The following DNMT1 variants were observed in gnomAD, a reference collection of about 807,000 sequenced individuals.
The protein encoded by DNMT1 is DNA (cytosine-5)-methyltransferase 1.
In DNMT1, 24 loss-of-function variants were observed where a neutral mutation model predicts 205.3. The observed-to-expected ratio is 0.12, with a 90% CI of 0.08 to 0.16. The LOEUF (loss-of-function observed/expected upper bound fraction) is 0.16, where lower values mean the gene tolerates loss of function less well. Ranked by LOEUF, DNMT1 falls within the 10% of genes least tolerant of loss-of-function variation. DNMT1 has a pLI of 1.00. For missense variants in DNMT1, 1,293 were observed against 2,177.7 expected (o/e 0.59, Z 8.09); for synonymous variants, 817 against 839.8 (o/e 0.97, Z 0.47).
chr19:10,179,798 T>A (rs1244101366), intron 5 of DNMT1: 1 of 157,784 alleles, frequency 6.3e-6, no homozygotes, highest in East Asian at 1.9e-4. Flanking sequence ...CAGACCAGTC[T>A]GGCCAACATG....
Position 10,155,014 on chromosome 19 carries a change from G to T in DNMT1, c.1535C>A (p.Ala512Glu), listed in dbSNP as rs1064796687. The T allele has an allele frequency of 3.7e-6, 6 of 1,613,984 alleles. No individual in the cohort carries two copies. The highest frequency in any genetic ancestry group is 5.1e-6 in the Non-Finnish European group (6 of 1,180,034). The change falls in exon 20 of 41, where the codon GCG (alanine) becomes GAG (glutamate). Residue 512 changes from alanine (A) to glutamate (E), a missense_variant. By Grantham distance (107) the Ala-to-Glu change is moderately radical. Transcript: ENST00000359526. ...CTCCTGCATCAGCCCAAATATGGGC[G>T]CATACTCGGGACTGGGATCCATCAG... Reference protein sequence around the residue: ...YILMDPSPEYAPIFGLMQEKI... With the variant: ...YILMDPSPEYEPIFGLMQEKI...
chr19:10,181,304 G>A (rs2039041019), intron 2 of DNMT1, among the ~76,000 whole-genome samples: 2 of 151,962 alleles, frequency 1.3e-5, no homozygotes, highest in African/African-American at 4.8e-5. Context: ...TTAAAAATTA[G>A]CTGGGCATGG....
chr19:10,139,864 G>A, intron 33 of DNMT1, 47 bp from the exon 34 acceptor site: 1 of 1,559,228 alleles, frequency 6.4e-7, no homozygotes, highest in Non-Finnish European at 8.7e-7. Flanking sequence ...ACAGACAGAG[G>A]GAAGAAACGA....
At chr19:10,170,746 G>T (rs767847433) in intron 9 of DNMT1, among the ~76,000 whole-genome samples, 7 of 152,104 alleles carry the variant, frequency 4.6e-5, no homozygotes, top group Non-Finnish European at 8.8e-5. Flanking sequence ...ACCTAAGTTG[G>T]TAAGAAACTT....
chr19:10,194,657 G>C (rs2039369506), intron 1 of DNMT1, 163 bp downstream of exon 1: 6 of 969,888 alleles, frequency 6.2e-6, no homozygotes, highest in Admixed American at 3.9e-5. Flanking sequence ...CGCGCGACCG[G>C]AAGTGCCACC....
chr19:10,168,144 A>T (rs576282510), intron 10 of DNMT1, among the ~76,000 whole-genome samples, 186 bp downstream of exon 10: 1 of 152,114 alleles, frequency 6.6e-6, no homozygotes, highest in Non-Finnish European at 1.5e-5. Flanking sequence ...AAATTAAATT[A>T]AAGTTAAAAA....
At chr19:10,148,662 G>C (rs1488931591) in intron 27 of DNMT1, among the ~76,000 whole-genome samples, 2 of 152,138 alleles carry the variant, frequency 1.3e-5, no homozygotes, top group African/African-American at 4.8e-5. Flanking sequence ...TCCTGGGTAG[G>C]GAACCCTCTT....
chr19:10,194,097 C>G (rs920587241), intron 1 of DNMT1, among the ~76,000 whole-genome samples: 1 of 152,230 alleles, frequency 6.6e-6, no homozygotes, highest in Non-Finnish European at 1.5e-5. Flanking sequence ...CCACGGCTCA[C>G]AGGCACAGAT....
chr19:10,186,838 C>CAAAAAAAAAAAAAAAAAAAAAAAAA (rs35238334), intron 1 of DNMT1, among the ~76,000 whole-genome samples: 10 of 70,686 alleles, frequency 1.4e-4, no homozygotes, highest in East Asian at 5.5e-4. Context: ...AACTCCGTCT[C>CAAAAAAAAAAAAAAAAAAAAAAAAA]AAAAAAAAAA....
rs1021398862 is a variant in DNMT1 at position 10,159,552 on chromosome 19, T to C, written c.1280+106A>G. The C allele has an allele frequency of 2.4e-5, 27 of 1,140,908 alleles. No individual in the cohort carries two copies. Among genetic ancestry groups the C allele is most frequent in the African/African-American group, 4.6e-5 (3 of 65,412 alleles). 70.7% of individuals were successfully genotyped at this position (1,140,908 alleles called of 1,614,324 possible). ...CCACGAAGTGTTAGCTTAAGACATG[T>C]TGCAGGTCAGGCACTAAAAAACATC... On this transcript the variant is annotated intron_variant, in intron 17 of 40. Coordinates refer to ENST00000359526, the MANE Select transcript of DNMT1 (RefSeq NM_001130823.3). This position sits in a 1 kb window ranked among gnomAD's most constrained non-coding sequence, Gnocchi z 5.0.
Position 10,164,811 on chromosome 19 carries a change from C to T in DNMT1, c.892-1451G>A, listed in dbSNP as rs369374052. Among the ~76,000 whole-genome samples, 5 of 149,904 alleles carry T rather than the reference C, an allele frequency of 3.3e-5. No homozygotes were observed. The East Asian group carries it at 7.8e-4, about 23-fold the overall frequency. Reference sequence around the variant, plus strand: ...GGCATAGTAGCACACGCCTGTAATCCCAGCTACTCAGGAGGCTGAGACAGG... The same window carrying T: ...GGCATAGTAGCACACGCCTGTAATCTCAGCTACTCAGGAGGCTGAGACAGG... On this transcript the variant is annotated intron_variant, in intron 11 of 40. Coordinates refer to ENST00000359526, the MANE Select transcript of DNMT1 (RefSeq NM_001130823.3).
Position 10,140,097 on chromosome 19 carries a change from T to G in DNMT1, c.3755A>C (p.Asn1252Thr). The change falls in exon 33 of 41, where the codon AAT becomes ACT. Residue 1252 changes from asparagine to threonine, a missense_variant. Transcript: ENST00000359526. The surrounding 1 kb of genome is among the most constrained non-coding windows in gnomAD (Gnocchi z 8.4). ...TTTGAACTTGGAGTAGGTGCGCGAATTGAAGCGGTTCATGCCGCTGAAGCC... is the reference window on the plus strand; with the variant it reads ...TTTGAACTTGGAGTAGGTGCGCGAAGTGAAGCGGTTCATGCCGCTGAAGCC... Reference protein sequence around the residue: ...CQGFSGMNRFNSRTYSKFKNS... With the variant: ...CQGFSGMNRFTSRTYSKFKNS... The G allele has an allele frequency of 6.2e-7, 1 of 1,613,858 alleles. No homozygotes were observed. Among genetic ancestry groups the G allele is most frequent in the Non-Finnish European group, 8.5e-7 (1 of 1,180,052 alleles).
chr19:10,137,003 C>A lies in DNMT1; in HGVS notation c.4489+82G>T. ...TTGGTGTGTCTGTGCCCTGCCCTGG[C>A]CTCCAGGTTCACAGGCCAAAGGCCC... On this transcript the variant is annotated intron_variant, in intron 37 of 40. Coordinates refer to ENST00000359526, the MANE Select transcript of DNMT1 (RefSeq NM_001130823.3). The surrounding 1 kb of genome is among the most constrained non-coding windows in gnomAD (Gnocchi z 6.4). The A allele has an allele frequency of 2.6e-6, 4 of 1,543,256 alleles. No homozygotes were observed. The African/African-American group carries it at 4.1e-5, about 16-fold the overall frequency.
rs1339299266 is a variant in DNMT1 at position 10,174,046 on chromosome 19, G to C, written c.649-141C>G. ...GAAAAGAAGGGGCCTGGGTTTTGGG[G>C]AGAAGATCTGAGAAACTCTTACTCT... On this transcript the variant is annotated intron_variant, in intron 7 of 40. Transcript: ENST00000359526. 9.9e-6 allele frequency: 8 copies of C among 806,014 alleles called. No individual in the cohort carries two copies. The East Asian group carries it at 1.6e-4, about 16-fold the overall frequency. The allele number at this position is 806,014 out of a possible 1,614,324, so 49.9% of individuals were successfully genotyped here.
rs569867388 is a variant in DNMT1 at position 10,148,938 on chromosome 19, T to C, written c.2666A>G (p.Tyr889Cys). The change falls in exon 27 of 41, where the codon TAC (tyrosine) becomes TGC (cysteine). Residue 889 changes from tyrosine (Y) to cysteine (C), a missense_variant. Coordinates refer to ENST00000359526, the MANE Select transcript of DNMT1 (RefSeq NM_001130823.3). ...YFYQLWYDQDYARFESPPKTQ... is the reference protein window; with the variant it reads ...YFYQLWYDQDCARFESPPKTQ... The stretch of plus-strand genomic sequence containing the variant: ...TTTTGGAGGGGACTCGAATCTCGCG[T>C]AGTCTTGATCATACCACAGCTGGTA... 6.2e-7 allele frequency: 1 copy of C among 1,614,184 alleles called. No individual in the cohort carries two copies. Among genetic ancestry groups the C allele is most frequent in the South Asian group, 1.1e-5 (1 of 91,084 alleles).
At chr19:10,145,132 G>C (rs1001983495) in intron 28 of DNMT1, among the ~76,000 whole-genome samples, 3 of 152,252 alleles carry the variant, frequency 2.0e-5, no homozygotes, top group Non-Finnish European at 4.4e-5. Context: ...GGGACAATGG[G>C]AGTGTGGTCT....
At position 10,166,665 on chromosome 19, in the gene DNMT1, T is replaced by A; in HGVS notation, c.824A>T (p.Lys275Met). The change falls in exon 11 of 41, where the codon AAG becomes ATG. Residue 275 changes from lysine to methionine, a missense_variant. Physicochemically the swap from Lys to Met is moderately conservative, Grantham distance 95 (BLOSUM62 -1). Coordinates refer to ENST00000359526, the MANE Select transcript of DNMT1 (RefSeq NM_001130823.3). ...TKEPTPKQKL[K>M]EEPDREARAG... ...CCTGGCTTCTCTGTCCGGCTCCTCC[T>A]TCAGTTTCTGTTTGGGTGTTCTGTC... 6.2e-7 allele frequency: 1 copy of A among 1,614,190 alleles called. No homozygotes were observed. Among genetic ancestry groups the A allele is most frequent in the Non-Finnish European group, 8.5e-7 (1 of 1,180,020 alleles).
In DNMT1 at chr19:10,141,141, G is replaced by A. The variant is rs200950656; in HGVS notation, c.3358C>T (p.Arg1120Cys). 1.9e-6 allele frequency: 3 copies of A among 1,613,998 alleles called. No individual in the cohort carries two copies. The highest frequency in any genetic ancestry group is 1.3e-5 in the African/African-American group (1 of 75,050). The change falls in exon 31 of 41, where the codon CGT becomes TGT. Residue 1120 changes from arginine to cysteine, a missense_variant. Transcript: ENST00000359526. ...CCCTTCCCTTTGTTTCCAGGGCTAC[G>A]GGCATGGTTGGGAGGATCTTCAAAG... ...KSFEDPPNHARSPGNKGKGKG... is the reference protein window; with the variant it reads ...KSFEDPPNHACSPGNKGKGKG...
chr19:10,167,199 CTTT>C (rs369910549), intron 10 of DNMT1, among the ~76,000 whole-genome samples: 2 of 147,344 alleles, frequency 1.4e-5, no homozygotes, highest in African/African-American at 4.9e-5. Flanking sequence ...TTCTTTTTTC[CTTT>C]TTTTTTTTCT....
Sources: gnomAD v4.1 joint callset for allele counts (sites outside exome capture counted in the v4.1 genomes callset) on GRCh38, gnomAD v4.1.1 for gene constraint, Gnocchi (gnomAD v3.1) non-coding constraint, MANE v1.5 for transcripts, NCBI Gene and HGNC (gene_info 2026-07-23, HGNC 2026-07-21) for gene names.